PRDM11: variants seen among roughly 807,000 people sequenced by gnomAD.
The protein encoded by PRDM11 is PR/SET domain 11.
Under a neutral mutation model 97.8 loss-of-function variants are expected in PRDM11, and 20 were observed. The observed-to-expected ratio is 0.20, with a 90% CI of 0.14 to 0.30. The LOEUF (loss-of-function observed/expected upper bound fraction) is 0.30, where lower values mean the gene tolerates loss of function less well. PRDM11 is among the 10% of genes least tolerant of loss of function. PRDM11 has a pLI of 1.00. For missense variants in PRDM11, 1,139 were observed against 1,555.2 expected (o/e 0.73, Z 4.50); for synonymous variants, 599 against 637.7 (o/e 0.94, Z 0.91).
intron 1 of PRDM11, among the ~76,000 whole-genome samples, chr11:45,179,019 G>C (rs1852401189): frequency 6.6e-6 from 1 of 152,204 alleles, no homozygotes; most frequent in Non-Finnish European, 1.5e-5. Context: ...CAGTTGGAGG[G>C]GGGCAGTGAG....
chr11:45,107,261 A>G (rs1852078013), intron 1 of PRDM11, among the ~76,000 whole-genome samples: 1 of 152,174 alleles, frequency 6.6e-6, no homozygotes, highest in Non-Finnish European at 1.5e-5. Context: ...CGGGCTCCAC[A>G]CTGGTCTCCA....
At chr11:45,205,014 C>T (rs1200245246) in intron 5 of PRDM11, among the ~76,000 whole-genome samples, 1 of 152,178 alleles carries the variant, frequency 6.6e-6, no homozygotes, top group African/African-American at 2.4e-5. Context: ...TCGGGCTGCT[C>T]ACTTGCCAGT....
chr11:45,198,076 A>C (rs1363108614), intron 4 of PRDM11, among the ~76,000 whole-genome samples: 2 of 152,218 alleles, frequency 1.3e-5, no homozygotes, highest in Non-Finnish European at 2.9e-5. Flanking sequence ...TTTCCTTATC[A>C]GTTAAATTAG....
chr11:45,159,258 GCCT>G (rs1224082032), intron 1 of PRDM11, among the ~76,000 whole-genome samples: 1 of 152,332 alleles, frequency 6.6e-6, no homozygotes, highest in East Asian at 1.9e-4. Context: ...TCCGCCTGCT[GCCT>G]CCTGGGCCCA....
chr11:45,106,885 A>G (rs1430901458), intron 1 of PRDM11, among the ~76,000 whole-genome samples: 2 of 152,242 alleles, frequency 1.3e-5, no homozygotes, highest in African/African-American at 4.8e-5. Context: ...TCTATGAATC[A>G]GAGATGTGGG....
At chr11:45,146,974 C>T (rs867978533) in intron 1 of PRDM11, 97 bp downstream of exon 1, 7 of 144,190 alleles carry the variant, frequency 4.9e-5, no homozygotes, top group African/African-American at 1.2e-4. Context: ...GTGCGGGGGC[C>T]GGGAGCGGCG....
At chr11:45,147,308 G>A (rs1851541566) in intron 1 of PRDM11, 1 of 150,516 alleles carries the variant, frequency 6.6e-6, no homozygotes, top group African/African-American at 2.5e-5. Flanking sequence ...GGGCGCGGAC[G>A]CCGACGCCAG....
chr11:45,119,556 A>G (rs10838417), intron 1 of PRDM11, among the ~76,000 whole-genome samples: 56,927 of 141,130 alleles, frequency 0.4, 11,633 homozygotes, highest in South Asian at 0.5. Flanking sequence ...CGTGAACCCC[A>G]GTGGGTGGAG....
intron 1 of PRDM11, among the ~76,000 whole-genome samples, chr11:45,179,485 C>G (rs1401425027): frequency 3.3e-5 from 5 of 152,104 alleles, no homozygotes; most frequent in African/African-American, 1.2e-4. Flanking sequence ...GACAAAATAC[C>G]GTAGATGGGG....
At chr11:45,167,311 C>T (rs1316181776) in intron 1 of PRDM11, among the ~76,000 whole-genome samples, 1 of 152,194 alleles carries the variant, frequency 6.6e-6, no homozygotes, top group Non-Finnish European at 1.5e-5. Flanking sequence ...CACATAAACA[C>T]ACACATACAC....
chr11:45,121,626 A>T (rs1004176427), intron 1 of PRDM11, among the ~76,000 whole-genome samples: 1 of 152,220 alleles, frequency 6.6e-6, no homozygotes. Flanking sequence ...ATTATATTGA[A>T]TAACTGCAGA....
At chr11:45,197,834 A>T (rs1383471818) in intron 4 of PRDM11, among the ~76,000 whole-genome samples, 1 of 152,066 alleles carries the variant, frequency 6.6e-6, no homozygotes. Flanking sequence ...GAACACTTGG[A>T]CACGGGGTGG....
intron 5 of PRDM11, 64 bp downstream of exon 5, chr11:45,204,842 T>C: frequency 6.6e-7 from 1 of 1,507,654 alleles, no homozygotes; most frequent in Non-Finnish European, 9.2e-7. Context: ...GCCAAGGGAG[T>C]GTGTTGGACC....
intron 1 of PRDM11, among the ~76,000 whole-genome samples, chr11:45,147,803 C>T (rs1014952232): frequency 6.6e-6 from 1 of 152,224 alleles, no homozygotes; most frequent in Non-Finnish European, 1.5e-5. Flanking sequence ...AACGTCTCCT[C>T]TTTCCTAGAC....
At chr11:45,110,735 A>G (rs1033163371) in intron 1 of PRDM11, among the ~76,000 whole-genome samples, 2 of 152,206 alleles carry the variant, frequency 1.3e-5, no homozygotes, top group Non-Finnish European at 2.9e-5. Context: ...GCGGGGTGCA[A>G]GGAGCTTCAC....
chr11:45,180,567 T>TCCTCCCGCTC (rs1852449995), intron 1 of PRDM11, among the ~76,000 whole-genome samples: 1 of 151,060 alleles, frequency 6.6e-6, no homozygotes, highest in Non-Finnish European at 1.5e-5. Flanking sequence ...GGCGCCCGCT[T>TCCTCCCGCTC]CCTCCCGCTC....
At position 45,227,599 on chromosome 11, in the gene PRDM11, G is replaced by T; in HGVS notation, c.2974G>T (p.Ala992Ser). The T allele has an allele frequency of 6.5e-7, 1 of 1,533,940 alleles. No homozygotes were observed. The highest frequency in any genetic ancestry group is 8.7e-7 in the Non-Finnish European group (1 of 1,146,742). ...FVKACQVFDL[A>S]AWPRSSEELM... ...GAAGGCCTGCCAGGTGTTTGACCTG[G>T]CTGCCTGGCCCAGGAGCAGTGAGGA... The change falls in exon 8 of 8, where the codon GCT (alanine) becomes TCT (serine). Residue 992 changes from alanine to serine, a missense_variant. This residue lies in a region of PRDM11 where 710 missense variants were observed against 1,044.9 expected (regional missense o/e 0.68). Coordinates refer to ENST00000683152, the MANE Select transcript of PRDM11 (RefSeq NM_001384648.1). This position sits in a 1 kb window ranked among gnomAD's most constrained non-coding sequence, Gnocchi z 8.0.
chr11:45,208,558 A>G (rs1168005049), intron 5 of PRDM11, among the ~76,000 whole-genome samples: 1 of 152,152 alleles, frequency 6.6e-6, no homozygotes, highest in Admixed American at 6.5e-5. Flanking sequence ...GTTATTCTGG[A>G]CAGGGAGAAT....
chr11:45,098,348 T>C (rs547720777), intron 1 of PRDM11, among the ~76,000 whole-genome samples: 1 of 152,352 alleles, frequency 6.6e-6, no homozygotes, highest in South Asian at 2.1e-4. Flanking sequence ...GCAGGGGATG[T>C]GTACCTGACT....
Sources: allele counts gnomAD v4.1 joint callset (sites outside exome capture counted in the v4.1 genomes callset), GRCh38; gene constraint gnomAD v4.1.1; regional missense constraint gnomAD v4.1.1; non-coding constraint Gnocchi (gnomAD v3.1); transcripts MANE v1.5; gene names NCBI Gene and HGNC (gene_info 2026-07-23, HGNC 2026-07-21).